Variants in ADAM22 observed in about 807,000 individuals in gnomAD.
The protein encoded by ADAM22 is disintegrin and metalloproteinase domain-containing protein 22.
A neutral mutation model predicts 144.6 loss-of-function variants in ADAM22; 65 were observed. That is an observed-to-expected ratio of 0.45 (90% CI 0.37 to 0.55). The LOEUF (loss-of-function observed/expected upper bound fraction) is 0.55. Among genes scored for constraint, ADAM22 ranks in the 20% least tolerant of loss-of-function variants. ADAM22 has a pLI of 0.00. For synonymous variants in ADAM22, 391 were observed against 412.6 expected (o/e 0.95, Z 0.63); for missense variants, 974 against 1,184.9 (o/e 0.82, Z 2.61).
chr7:87,959,205 G>C (rs974949575), intron 2 of ADAM22, among the ~76,000 whole-genome samples: 7 of 152,088 alleles, frequency 4.6e-5, no homozygotes, highest in Non-Finnish European at 7.3e-5. Flanking sequence ...CTAGCTCACT[G>C]TGTGAACTTG....
At chr7:88,107,633 T>G (rs991579015) in intron 4 of ADAM22, among the ~76,000 whole-genome samples, 2 of 152,182 alleles carry the variant, frequency 1.3e-5, no homozygotes, top group Admixed American at 1.3e-4. Flanking sequence ...TTGTCCAGGC[T>G]GGAGTGCAGT....
chr7:87,960,563 A>G (rs1847816513), intron 2 of ADAM22, among the ~76,000 whole-genome samples: 1 of 152,180 alleles, frequency 6.6e-6, no homozygotes, highest in Non-Finnish European at 1.5e-5. Flanking sequence ...GCTATTAATC[A>G]TGCCTTTTTA....
At chr7:87,960,258 A>T (rs1270075946) in intron 2 of ADAM22, among the ~76,000 whole-genome samples, 1 of 152,226 alleles carries the variant, frequency 6.6e-6, no homozygotes, top group African/African-American at 2.4e-5. Context: ...TAATTAGGTT[A>T]GAAGAAGTCC....
chr7:87,989,144 T>C (rs953981180), intron 3 of ADAM22, among the ~76,000 whole-genome samples: 1 of 152,198 alleles, frequency 6.6e-6, no homozygotes, highest in Non-Finnish European at 1.5e-5. Context: ...AGGTGAAATA[T>C]AACATATAGG....
chr7:88,189,280 G>A (rs924013228), intron 30 of ADAM22, among the ~76,000 whole-genome samples: 2 of 152,098 alleles, frequency 1.3e-5, no homozygotes, highest in African/African-American at 4.8e-5. Context: ...GCTCTCAGAA[G>A]GTAGCCTTAC....
intron 14 of ADAM22, among the ~76,000 whole-genome samples, chr7:88,140,603 C>T (rs1232237812): frequency 6.6e-6 from 1 of 152,134 alleles, no homozygotes; most frequent in East Asian, 1.9e-4. Context: ...TGCCTATAAT[C>T]CCAGAACTTT....
intron 4 of ADAM22, among the ~76,000 whole-genome samples, chr7:88,099,004 T>C (rs1822198752): frequency 6.6e-6 from 1 of 152,194 alleles, no homozygotes; most frequent in Admixed American, 6.5e-5. Context: ...TGGCAAATAT[T>C]AATACCCAAA....
intron 3 of ADAM22, among the ~76,000 whole-genome samples, chr7:87,998,791 G>A (rs1167414598): frequency 6.6e-6 from 1 of 152,152 alleles, no homozygotes; most frequent in Non-Finnish European, 1.5e-5. Context: ...ATAGGGAATA[G>A]GAATCTTGGG....
intron 30 of ADAM22, among the ~76,000 whole-genome samples, chr7:88,187,342 A>C (rs1236608091): frequency 6.6e-6 from 1 of 152,232 alleles, no homozygotes; most frequent in Admixed American, 6.5e-5. Context: ...GCATGTAAGA[A>C]ATTTTTTATG....
At chr7:87,956,047 A>G (rs1197220882) in intron 2 of ADAM22, among the ~76,000 whole-genome samples, 1 of 152,044 alleles carries the variant, frequency 6.6e-6, no homozygotes, top group African/African-American at 2.4e-5. Context: ...TTCCTTGACC[A>G]GGAAAGGGAA....
chr7:88,180,058 T>C lies in ADAM22; in HGVS notation c.2495+929T>C, dbSNP rs965529741. On this transcript the variant is annotated intron_variant, in intron 27 of 31. Coordinates refer to ENST00000413139, the MANE Select transcript of ADAM22 (RefSeq NM_001324418.2). ...ATTCTGCAATGTCTCTCAGTCTTTG[T>C]AAATGTTAATCAGGAAGGAGAATAG... 2.6e-5 allele frequency among the ~76,000 whole-genome samples: 4 copies of C among 152,036 alleles called. No homozygotes were observed. In the East Asian group the frequency reaches 7.7e-4, roughly 29 times the overall value.
chr7:87,945,517 T>C (rs975649686), intron 2 of ADAM22, among the ~76,000 whole-genome samples: 1 of 141,014 alleles, frequency 7.1e-6, no homozygotes, highest in Non-Finnish European at 1.5e-5. Flanking sequence ...CTTTTCTTTC[T>C]TTTTTTTTTT....
At chr7:87,960,090 G>A (rs1340966578) in intron 2 of ADAM22, among the ~76,000 whole-genome samples, 1 of 152,150 alleles carries the variant, frequency 6.6e-6, no homozygotes, top group Non-Finnish European at 1.5e-5. Context: ...AAGAACTGAA[G>A]AACTTCCATG....
In ADAM22 at chr7:88,041,234, G is replaced by C. The variant is rs140053664; in HGVS notation, c.324-34392G>C. Among the ~76,000 whole-genome samples the C allele has an allele frequency of 5.6e-4, 85 of 152,050 alleles. 1 individual carries two copies. The highest frequency in any genetic ancestry group is 1.9e-3 in the African/African-American group (80 of 41,522). The stretch of plus-strand genomic sequence containing the variant: ...TTCAAGGGGAAGGAATTGTGCAGGG[G>C]GTATACACCTTGGGGTGGGAATCTT... On this transcript the variant is annotated intron_variant, in intron 3 of 31. Coordinates refer to ENST00000413139, the MANE Select transcript of ADAM22 (RefSeq NM_001324418.2).
chr7:88,119,810 T>C (rs1054342992), intron 7 of ADAM22, among the ~76,000 whole-genome samples: 2 of 152,210 alleles, frequency 1.3e-5, no homozygotes, highest in African/African-American at 2.4e-5. Context: ...TTTTAACTTA[T>C]TAAGTTGATG....
At chr7:88,024,838 G>C (rs1798643474) in intron 3 of ADAM22, among the ~76,000 whole-genome samples, 1 of 151,964 alleles carries the variant, frequency 6.6e-6, no homozygotes, top group Admixed American at 6.6e-5. Flanking sequence ...TGCTGAGAAT[G>C]ATGGTTACCA....
At chr7:88,173,381 A>G (rs528594095) in intron 26 of ADAM22, among the ~76,000 whole-genome samples, 4 of 152,128 alleles carry the variant, frequency 2.6e-5, no homozygotes, top group African/African-American at 9.6e-5. Flanking sequence ...ATATATGTCA[A>G]CACAACCTTT....
At chr7:88,076,075 G>A (rs531575254) in intron 4 of ADAM22, among the ~76,000 whole-genome samples, 14 of 152,098 alleles carry the variant, frequency 9.2e-5, no homozygotes, top group African/African-American at 2.2e-4. Flanking sequence ...GTGCAATGGC[G>A]CGATCTCAGC....
At chr7:87,955,547 G>T (rs536647012) in intron 2 of ADAM22, among the ~76,000 whole-genome samples, 6 of 152,150 alleles carry the variant, frequency 3.9e-5, no homozygotes, top group Admixed American at 1.3e-4. Context: ...TGCCCCTACT[G>T]GGGGGTGCCT....
Sources: gnomAD v4.1 joint callset for allele counts (sites outside exome capture counted in the v4.1 genomes callset) on GRCh38, gnomAD v4.1.1 for gene constraint, MANE v1.5 for transcripts, NCBI Gene and HGNC (gene_info 2026-07-23, HGNC 2026-07-21) for gene names.